GPR158: variants seen among roughly 807,000 people sequenced by gnomAD.
GPR158 encodes G protein-coupled receptor 158.
GPR158 carries 30 observed loss-of-function variants against 78.2 expected under a neutral mutation model. The ratio of observed to expected loss-of-function variants is 0.38; its 90% CI spans 0.29 to 0.52. The LOEUF is 0.52. Ranked by LOEUF, GPR158 falls within the 20% of genes least tolerant of loss-of-function variation. GPR158 has a pLI of 0.83. For missense variants in GPR158, 1,463 were observed against 1,523.5 expected (o/e 0.96, Z 0.66); for synonymous variants, 581 against 591.1 (o/e 0.98, Z 0.25).
intron 4 of GPR158, among the ~76,000 whole-genome samples, chr10:25,446,239 G>C (rs1467215034): frequency 6.6e-6 from 1 of 152,054 alleles, no homozygotes; most frequent in African/African-American, 2.4e-5. Flanking sequence ...TATTCTATTG[G>C]TATCAGAGAA....
At chr10:25,426,118 C>G (rs1284047357) in intron 4 of GPR158, among the ~76,000 whole-genome samples, 1 of 152,112 alleles carries the variant, frequency 6.6e-6, no homozygotes, top group Non-Finnish European at 1.5e-5. Flanking sequence ...TGGAATCTCT[C>G]TAGATGAGTT....
chr10:25,470,914 T>C (rs1835490734), intron 5 of GPR158, among the ~76,000 whole-genome samples: 1 of 152,116 alleles, frequency 6.6e-6, no homozygotes, highest in South Asian at 2.1e-4. Context: ...GCCAGAGGGA[T>C]TTAAAAATGT....
intron 2 of GPR158, among the ~76,000 whole-genome samples, chr10:25,325,411 A>G (rs1855015701): frequency 6.6e-6 from 1 of 151,970 alleles, no homozygotes; most frequent in African/African-American, 2.4e-5. Flanking sequence ...AATAGTATTC[A>G]TGTATATGTG....
At chr10:25,242,962 G>A (rs1364060281) in intron 2 of GPR158, among the ~76,000 whole-genome samples, 1 of 152,172 alleles carries the variant, frequency 6.6e-6, no homozygotes, top group Non-Finnish European at 1.5e-5. Context: ...TTCCATGCCA[G>A]ATTTGGAATT....
chr10:25,540,638 T>C lies in GPR158; in HGVS notation c.1405-10338T>C, dbSNP rs1464927205. ...TAAAAAAGGATGAGTTCATGTCCTT[T>C]GTAGGGACATGGATGAAGCTGGAAA... is the stretch of plus-strand genomic sequence containing the variant. On this transcript the variant is annotated intron_variant, in intron 5 of 10. Transcript: ENST00000376351. Among the ~76,000 whole-genome samples, 126 of 152,046 alleles carry C rather than the reference T, an allele frequency of 8.3e-4. 3 individuals are homozygous for C. The highest frequency in any genetic ancestry group is 5.1e-4 in the Non-Finnish European group (35 of 67,992).
chr10:25,466,906 G>A (rs1352626987), intron 5 of GPR158, among the ~76,000 whole-genome samples, 187 bp downstream of exon 5: 7 of 152,070 alleles, frequency 4.6e-5, no homozygotes, highest in Non-Finnish European at 1.0e-4. Flanking sequence ...AGTAAGCAAA[G>A]GTTTATTGAA....
chr10:25,430,114 A>G (rs1834880200), intron 4 of GPR158, among the ~76,000 whole-genome samples: 1 of 151,718 alleles, frequency 6.6e-6, no homozygotes, highest in Non-Finnish European at 1.5e-5. Context: ...AGAAAACCCC[A>G]CTGTCTCAGC....
chr10:25,358,122 A>G (rs540480177), intron 2 of GPR158, among the ~76,000 whole-genome samples: 5 of 152,008 alleles, frequency 3.3e-5, no homozygotes, highest in East Asian at 1.9e-4. Flanking sequence ...GTTTTTCCCA[A>G]TGTCTCCCAT....
rs914564694 is a variant in GPR158 at position 25,329,273 on chromosome 10, A to G, written c.1009-66638A>G. ...AACACGGTGAAACCCTGTCTCTACT[A>G]AAAATACAAAAAAAAAATTAGCCGG... is the stretch of plus-strand genomic sequence containing the variant. On this transcript the variant is annotated intron_variant, in intron 2 of 10. Coordinates refer to ENST00000376351, the MANE Select transcript of GPR158 (RefSeq NM_020752.3). Among the ~76,000 whole-genome samples, 11 of 151,916 alleles carry G rather than the reference A, an allele frequency of 7.2e-5. No homozygotes were observed. The East Asian group carries it at 2.0e-3, about 27-fold the overall frequency.
At chr10:25,495,492 C>T (rs933721990) in intron 5 of GPR158, among the ~76,000 whole-genome samples, 1 of 151,792 alleles carries the variant, frequency 6.6e-6, no homozygotes, top group African/African-American at 2.4e-5. Context: ...CAGGGTTTCA[C>T]CATGTTAGCC....
intron 2 of GPR158, among the ~76,000 whole-genome samples, chr10:25,229,238 G>A (rs1211558075): frequency 6.6e-6 from 1 of 152,088 alleles, no homozygotes; most frequent in Non-Finnish European, 1.5e-5. Context: ...GAGCATACCT[G>A]TGAGGAGGTG....
intron 6 of GPR158, among the ~76,000 whole-genome samples, chr10:25,569,188 A>G (rs1048519809): frequency 6.6e-6 from 1 of 152,228 alleles, no homozygotes; most frequent in African/African-American, 2.4e-5. Context: ...AAATGAGATT[A>G]TAGGGATCTG....
intron 4 of GPR158, among the ~76,000 whole-genome samples, chr10:25,432,574 C>G (rs976909129): frequency 6.6e-6 from 1 of 152,136 alleles, no homozygotes. Context: ...CATATGTAAC[C>G]TATAAAATAC....
chr10:25,460,194 CTT>C (rs778099736), intron 4 of GPR158, among the ~76,000 whole-genome samples: 2 of 143,472 alleles, frequency 1.4e-5, no homozygotes, highest in African/African-American at 2.5e-5. Context: ...CAGAGATTTT[CTT>C]TTTTTTTTTT....
chr10:25,474,629 T>A (rs1045586308), intron 5 of GPR158, among the ~76,000 whole-genome samples: 3 of 152,196 alleles, frequency 2.0e-5, no homozygotes, highest in Non-Finnish European at 2.9e-5. Context: ...GATAATGTCA[T>A]TCTCTTGCAC....
intron 5 of GPR158, 52 bp downstream of exon 5, chr10:25,466,771 C>A: frequency 2.1e-6 from 2 of 972,236 alleles, no homozygotes; most frequent in South Asian, 1.4e-5. Context: ...ATGTTGCATA[C>A]TATAAAGTTA....
intron 4 of GPR158, among the ~76,000 whole-genome samples, chr10:25,432,936 G>A (rs1241306085): frequency 6.6e-6 from 1 of 152,198 alleles, no homozygotes; most frequent in African/African-American, 2.4e-5. Context: ...AATAAAGAAT[G>A]TATCAGACTG....
At chr10:25,561,133 C>T (rs761567966) in intron 6 of GPR158, among the ~76,000 whole-genome samples, 38 of 152,084 alleles carry the variant, frequency 2.5e-4, no homozygotes, top group African/African-American at 8.7e-4. Context: ...CCTTTTGAGA[C>T]TGTAGTAAAA....
intron 2 of GPR158, among the ~76,000 whole-genome samples, chr10:25,294,094 TTAAC>T (rs1854477992): frequency 6.6e-6 from 1 of 152,226 alleles, no homozygotes; most frequent in East Asian, 1.9e-4. Context: ...TACAAATAAA[TTAAC>T]TTTCTTTCAT....
Sources: allele counts gnomAD v4.1 joint callset (sites outside exome capture counted in the v4.1 genomes callset), GRCh38; gene constraint gnomAD v4.1.1; transcripts MANE v1.5; gene names NCBI Gene and HGNC (gene_info 2026-07-23, HGNC 2026-07-21).